NEDD1: variants seen among roughly 807,000 people sequenced by gnomAD.
NEDD1 encodes the protein NEDD1 gamma-tubulin ring complex targeting factor, also known as protein NEDD1.
A neutral mutation model predicts 74.0 loss-of-function variants in NEDD1; 33 were observed. That is an observed-to-expected ratio of 0.45 (90% confidence interval 0.34 to 0.60). The LOEUF (loss-of-function observed/expected upper bound fraction) is 0.60, where lower values mean the gene tolerates loss of function less well. NEDD1 is among the 20% of genes least tolerant of loss of function. The pLI is 0.01. For missense variants in NEDD1, 746 were observed against 776.5 expected, an observed-to-expected ratio of 0.96 and a Z score of 0.47; for synonymous variants, 250 against 264.4, an observed-to-expected ratio of 0.95 and a Z score of 0.53.
chr12:96,933,099 C>T (rs1326110684), intron 6 of NEDD1, among the ~76,000 whole-genome samples: 2 of 148,736 alleles, frequency 1.3e-5, no homozygotes, highest in Non-Finnish European at 3.0e-5. Flanking sequence ...ACATTTTTAA[C>T]TGGTTATCAA....
chr12:96,940,484 TTGA>T lies in NEDD1; in HGVS notation c.1198_1200del (p.Asp400del). 2 of 1,606,606 alleles carry T rather than the reference TTGA, an allele frequency of 1.2e-6. No homozygotes were observed. Among genetic ancestry groups the T allele is most frequent in the Non-Finnish European group, 1.7e-6 (2 of 1,174,034 alleles). ...GGAAAAAATCAGGATTTCTCCAGCT[TTGA>T]TGATACTGGGAAAAGTAGTTTAGGT... On this transcript the variant is annotated inframe_deletion, in exon 10 of 16. Coordinates refer to ENST00000266742, the MANE Select transcript of NEDD1 (RefSeq NM_152905.4).
chr12:96,929,350 CTTG>C, intron 6 of NEDD1, among the ~76,000 whole-genome samples: 1 of 39,740 alleles, frequency 2.5e-5, no homozygotes, highest in Non-Finnish European at 5.0e-5. Flanking sequence ...TTCTTAATGT[CTTG>C]TATTTTTTTT....
Position 96,917,598 on chromosome 12 carries a change from CTTTTT to C in NEDD1, c.232-11_232-7del. On this transcript the variant is annotated intron_variant, in intron 4 of 15. Coordinates refer to ENST00000266742, the MANE Select transcript of NEDD1 (RefSeq NM_152905.4). ...TCTGGGCTCTGTTAAATTAAGGTAA[CTTTTT>C]TTTTTTTTTTTAAATAGCAAAAGCA... 10 of 1,358,010 alleles carry C rather than the reference CTTTTT, an allele frequency of 7.4e-6. No individual in the cohort carries two copies. Among genetic ancestry groups the C allele is most frequent in the Admixed American group, 5.7e-5 (2 of 35,298 alleles). 84.1% of individuals were successfully genotyped at this position (1,358,010 alleles called of 1,614,324 possible).
intron 2 of NEDD1, among the ~76,000 whole-genome samples, chr12:96,908,189 CTT>C (rs1185727040): frequency 1.3e-5 from 2 of 152,210 alleles, no homozygotes; most frequent in Non-Finnish European, 2.9e-5. Context: ...CTGCAGGTGA[CTT>C]TAATGGCTTT....
intron 6 of NEDD1, chr12:96,924,789 A>G (rs1388664613): frequency 4.6e-6 from 2 of 436,302 alleles, no homozygotes; most frequent in Non-Finnish European, 9.1e-6. Flanking sequence ...CTTATTTCCT[A>G]ATCTTTATAT....
intron 5 of NEDD1, among the ~76,000 whole-genome samples, chr12:96,918,570 C>G (rs759724821): frequency 2.0e-5 from 3 of 152,148 alleles, no homozygotes; most frequent in Non-Finnish European, 4.4e-5. Context: ...TCTGTCTTTT[C>G]GGTGTGAAAT....
At chr12:96,928,476 T>C (rs1434818467) in intron 6 of NEDD1, among the ~76,000 whole-genome samples, 1 of 152,146 alleles carries the variant, frequency 6.6e-6, no homozygotes, top group African/African-American at 2.4e-5. Flanking sequence ...ACATTTCCTT[T>C]AAGGAGCTTA....
intron 6 of NEDD1, among the ~76,000 whole-genome samples, chr12:96,930,211 A>ACACT (rs1416917962): frequency 8.1e-4 from 72 of 89,272 alleles, no homozygotes; most frequent in South Asian, 1.2e-3. Context: ...ACACACACAC[A>ACACT]CTCTCTCTCT....
chr12:96,949,885 G>C (rs1878542285), intron 14 of NEDD1, among the ~76,000 whole-genome samples: 1 of 152,028 alleles, frequency 6.6e-6, no homozygotes, highest in Non-Finnish European at 1.5e-5. Context: ...GTTCCATGTA[G>C]ATTAAAAGTT....
rs1454084239 is a variant in NEDD1 at position 96,953,309 on chromosome 12, C to G, written c.*1256C>G. 6.6e-6 allele frequency: 1 copy of G among 150,884 alleles called. No homozygotes were observed. Among genetic ancestry groups the G allele is most frequent in the Non-Finnish European group, 1.5e-5 (1 of 67,592 alleles). 9.3% of individuals were successfully genotyped at this position (150,884 alleles called of 1,614,324 possible). A position where few individuals can be genotyped will look rare whatever the true frequency, so the allele number is the denominator to read the frequency against. ...GATATATTTAATAAGCATAAACTTA[C>G]TAATAATTACTTCCAAAAATAAAAA... On this transcript the variant is annotated 3_prime_UTR_variant, in exon 16 of 16. Coordinates refer to ENST00000266742, the MANE Select transcript of NEDD1 (RefSeq NM_152905.4).
At chr12:96,932,461 AAAATATATAT>A (rs1272802787) in intron 6 of NEDD1, among the ~76,000 whole-genome samples, 4 of 12,262 alleles carry the variant, frequency 3.3e-4, no homozygotes, top group African/African-American at 9.7e-4. Flanking sequence ...AAAAAAAAAA[AAAATATATAT>A]ATATATATAT....
In NEDD1 at chr12:96,935,030, T is replaced by G; in HGVS notation, c.544T>G (p.Ser182Ala). 6.2e-7 allele frequency: 1 copy of G among 1,612,736 alleles called. No homozygotes were observed. The highest frequency in any genetic ancestry group is 8.5e-7 in the Non-Finnish European group (1 of 1,178,684). The change falls in exon 7 of 16, where the codon TCG becomes GCG. Residue 182 changes from serine to alanine, a missense_variant. Ser to Ala is a moderately conservative substitution (Grantham distance 99). Coordinates refer to ENST00000266742, the MANE Select transcript of NEDD1 (RefSeq NM_152905.4). ...LFKKSLLGSV[S>A]DNGIVTLWDV... ...TAAGAAATCACTACTGGGCAGTGTT[T>G]CGGATAATGGAATAGTAACTCTCTG... is the stretch of plus-strand genomic sequence containing the variant.
At chr12:96,950,593 T>C (rs1878621016) in intron 14 of NEDD1, among the ~76,000 whole-genome samples, 1 of 151,944 alleles carries the variant, frequency 6.6e-6, no homozygotes. Flanking sequence ...ATATAAGCTA[T>C]ATGGTACCCT....
intron 9 of NEDD1, 47 bp downstream of exon 9, chr12:96,937,440 T>C (rs776072623): frequency 3.0e-5 from 32 of 1,054,834 alleles, no homozygotes; most frequent in Non-Finnish European, 4.0e-5. Flanking sequence ...GTTTTTTTTT[T>C]GTTTTTTTGT....
chr12:96,950,241 G>A (rs1878584217), intron 14 of NEDD1, among the ~76,000 whole-genome samples: 1 of 151,918 alleles, frequency 6.6e-6, no homozygotes, highest in Non-Finnish European at 1.5e-5. Context: ...GTGTCACACC[G>A]AGTAAATGGG....
chr12:96,945,950 G>C (rs73370523), intron 14 of NEDD1, 101 bp downstream of exon 14: 1 of 699,082 alleles, frequency 1.4e-6, no homozygotes, highest in Middle Eastern at 3.5e-4. Context: ...CTATTGTCTA[G>C]GTTCTGGTAA....
chr12:96,909,141 A>T (rs1321127873), intron 2 of NEDD1, among the ~76,000 whole-genome samples: 1 of 146,800 alleles, frequency 6.8e-6, no homozygotes, highest in South Asian at 2.2e-4. Context: ...ACACCATTGC[A>T]CTCCAGCCTG....
chr12:96,947,522 G>C (rs893027718), intron 14 of NEDD1, among the ~76,000 whole-genome samples: 4 of 152,158 alleles, frequency 2.6e-5, no homozygotes, highest in African/African-American at 9.7e-5. Context: ...AGCCATCAGA[G>C]TTTTTAAGCA....
At chr12:96,914,553 C>T (rs541713969) in intron 4 of NEDD1, among the ~76,000 whole-genome samples, 1 of 152,190 alleles carries the variant, frequency 6.6e-6, no homozygotes. Flanking sequence ...TTAGCTTTTA[C>T]TAGTAATGTT....
Sources: gnomAD v4.1 joint callset for allele counts (sites outside exome capture counted in the v4.1 genomes callset) on GRCh38, gnomAD v4.1.1 for gene constraint, MANE v1.5 for transcripts, NCBI Gene and HGNC (gene_info 2026-07-23, HGNC 2026-07-21) for gene names.